NECTIN3: variants seen among roughly 807,000 people sequenced by gnomAD.
NECTIN3 encodes nectin cell adhesion molecule 3.
Under a neutral mutation model 49.4 loss-of-function variants are expected in NECTIN3, and 8 were observed. The ratio of observed to expected loss-of-function variants is 0.16; its 90% CI spans 0.10 to 0.29. NECTIN3 has a LOEUF of 0.29. Among genes scored for constraint, NECTIN3 ranks in the 10% least tolerant of loss-of-function variants. The pLI is 1.00. For synonymous variants in NECTIN3, 277 were observed against 241.1 expected, an observed-to-expected ratio of 1.15 and a Z score of -1.38; for missense variants, 581 against 654.6, an observed-to-expected ratio of 0.89 and a Z score of 1.23.
intron 7 of NECTIN3, among the ~76,000 whole-genome samples, chr3:111,181,767 C>G (rs2035630397): frequency 6.6e-6 from 1 of 151,858 alleles, no homozygotes; most frequent in Non-Finnish European, 1.5e-5. Context: ...TGTGTTTTCT[C>G]TTTTTCTTGC....
exon 7 of NECTIN3, chr3:111,147,439 G>A (rs1436157951): frequency 2.0e-6 from 3 of 1,532,244 alleles, no homozygotes; most frequent in Non-Finnish European, 2.6e-6. Flanking sequence ...CACCTCCTCT[G>A]TATGAAGAAC....
chr3:111,152,040 C>A (rs2035010130), intron 7 of NECTIN3, among the ~76,000 whole-genome samples: 1 of 151,796 alleles, frequency 6.6e-6, no homozygotes, highest in African/African-American at 2.4e-5. Context: ...ACATATCTTG[C>A]CATTTTCTCC....
chr3:111,087,286 T>A (rs1260096070), intron 1 of NECTIN3, among the ~76,000 whole-genome samples: 1 of 152,142 alleles, frequency 6.6e-6, no homozygotes, highest in African/African-American at 2.4e-5. Flanking sequence ...CATTGTTACA[T>A]GTGTAATCTC....
chr3:111,082,289 G>A (rs2031659742), intron 1 of NECTIN3, among the ~76,000 whole-genome samples: 1 of 152,106 alleles, frequency 6.6e-6, no homozygotes, highest in Non-Finnish European at 1.5e-5. Flanking sequence ...TGAGGTACGA[G>A]GGGTAGGAGG....
At chr3:111,104,360 T>C (rs1003620306) in intron 1 of NECTIN3, among the ~76,000 whole-genome samples, 13 of 145,628 alleles carry the variant, frequency 8.9e-5, no homozygotes, top group African/African-American at 3.3e-4. Flanking sequence ...TTGATCTGTC[T>C]ACAAGGCTGG....
In NECTIN3 at chr3:111,134,817, G is replaced by C; in HGVS notation, c.*602G>C. The C allele has an allele frequency of 1.0e-6, 1 of 981,700 alleles. No individual in the cohort carries two copies. The highest frequency in any genetic ancestry group is 1.2e-6 in the Non-Finnish European group (1 of 826,720). The allele number at this position is 981,700 out of a possible 1,614,324, so 60.8% of individuals were successfully genotyped here. A position where few individuals can be genotyped will look rare whatever the true frequency, so the allele number is the denominator to read the frequency against. ...ATTAATGAGCCTTGCCATAATTACT[G>C]TAGAGTGGCTTTTCAAAGATATTTT... On this transcript the variant is annotated 3_prime_UTR_variant, in exon 6 of 6. Transcript: ENST00000485303.
chr3:111,072,521 G>GT (rs1218592718), intron 1 of NECTIN3: 9 of 1,535,820 alleles, frequency 5.9e-6, no homozygotes, highest in Non-Finnish European at 7.8e-6. Context: ...GTAGGTTAAG[G>GT]TGCCGGGATG....
chr3:111,169,868 A>G (rs1164392758), intron 7 of NECTIN3, among the ~76,000 whole-genome samples: 1 of 152,242 alleles, frequency 6.6e-6, no homozygotes, highest in African/African-American at 2.4e-5. Flanking sequence ...GGTTATTGCT[A>G]ATAAATTTAT....
chr3:111,075,148 C>T (rs144326405), intron 1 of NECTIN3: 6 of 152,150 alleles, frequency 3.9e-5, no homozygotes, highest in African/African-American at 1.4e-4. Context: ...ATGCTTGTAA[C>T]TTTGGGTTCG....
downstream of NECTIN3, among the ~76,000 whole-genome samples, chr3:111,142,016 A>G (rs1460868583): frequency 1.3e-5 from 2 of 151,834 alleles, no homozygotes; most frequent in Admixed American, 1.3e-4. Flanking sequence ...CTAAATTCTC[A>G]ATTTTCATCA....
intron 1 of NECTIN3, chr3:111,072,697 T>G: frequency 1.0e-6 from 1 of 999,568 alleles, no homozygotes; most frequent in East Asian, 2.7e-5. Context: ...ACAGCTAGTT[T>G]TCTTCTGTCT....
chr3:111,081,951 A>C (rs997067435), intron 1 of NECTIN3, among the ~76,000 whole-genome samples: 5 of 152,240 alleles, frequency 3.3e-5, no homozygotes, highest in Non-Finnish European at 5.9e-5. Context: ...TAGATTGTAT[A>C]GCTCTGGCAG....
intron 7 of NECTIN3, among the ~76,000 whole-genome samples, chr3:111,172,974 T>C (rs1460688605): frequency 1.3e-5 from 2 of 152,224 alleles, no homozygotes; most frequent in East Asian, 3.9e-4. Flanking sequence ...TTATATCCGG[T>C]ATGATCTTTC....
chr3:111,100,369 T>A (rs988331199), intron 1 of NECTIN3, among the ~76,000 whole-genome samples: 3 of 152,168 alleles, frequency 2.0e-5, no homozygotes, highest in African/African-American at 7.2e-5. Context: ...CTGACAACTT[T>A]GTTCTCTGAT....
Position 111,134,692 on chromosome 3 carries a change from A to T in NECTIN3, c.*477A>T, listed in dbSNP as rs1011524434. 25 of 855,196 alleles carry T rather than the reference A, an allele frequency of 2.9e-5. No homozygotes were observed. Among genetic ancestry groups the T allele is most frequent in the Admixed American group, 1.2e-4 (2 of 16,002 alleles). The allele number at this position is 855,196 out of a possible 1,614,324, so 53.0% of individuals were successfully genotyped here. A position where few individuals can be genotyped will look rare whatever the true frequency, so the allele number is the denominator to read the frequency against. On this transcript the variant is annotated 3_prime_UTR_variant, in exon 6 of 6. Transcript: ENST00000485303. ...ACTAATTCAAGAAATATTTATATATATTTTTTAATATACAAAAAATATTTA... is the reference window on the plus strand; with the variant it reads ...ACTAATTCAAGAAATATTTATATATTTTTTTTAATATACAAAAAATATTTA...
Position 111,144,966 on chromosome 3 carries a change from T to C in NECTIN3, c.1068T>C (p.Leu356=), listed in dbSNP as rs944191266. ...CGGTAATTGGAGCTGTTCTTGCCCT[T>C]TTCATCATTGCTATCTTTGTGACTG... Residue 356 remains leucine (L), a synonymous_variant, in exon 6 of 9, where the codon CTT becomes CTC. Transcript: ENST00000493615. The C allele has an allele frequency of 2.0e-6, 3 of 1,536,322 alleles. No homozygotes were observed. In the African/African-American group the frequency reaches 4.1e-5, roughly 21 times the overall value.
intron 1 of NECTIN3, among the ~76,000 whole-genome samples, chr3:111,086,735 G>A (rs1344372718): frequency 1.3e-5 from 2 of 152,024 alleles, no homozygotes; most frequent in Non-Finnish European, 1.5e-5. Context: ...ATAAATTTTA[G>A]TGGCAGTTTA....
Position 111,135,378 on chromosome 3 carries a change from C to G in NECTIN3, c.*1163C>G. The G allele has an allele frequency of 1.1e-6, 1 of 934,412 alleles. No individual in the cohort carries two copies. Among genetic ancestry groups the G allele is most frequent in the Non-Finnish European group, 1.3e-6 (1 of 783,884 alleles). The allele number at this position is 934,412 out of a possible 1,614,324, so 57.9% of individuals were successfully genotyped here. A position where few individuals can be genotyped will look rare whatever the true frequency, so the allele number is the denominator to read the frequency against. On this transcript the variant is annotated 3_prime_UTR_variant, in exon 6 of 6. Transcript: ENST00000485303. ...CTGTTTTTACGATTAAAACTGGAAA[C>G]ATGAGGTTTTTTGTTTTTGTTTTTT...
chr3:111,184,923 A>G (rs1260315080), intron 7 of NECTIN3, among the ~76,000 whole-genome samples: 1 of 152,180 alleles, frequency 6.6e-6, no homozygotes, highest in Non-Finnish European at 1.5e-5. Context: ...TAAGGTGTGA[A>G]CCTGGGTCTC....
Sources: allele counts gnomAD v4.1 joint callset (sites outside exome capture counted in the v4.1 genomes callset), GRCh38; gene constraint gnomAD v4.1.1; transcripts MANE v1.5; gene names NCBI Gene and HGNC (gene_info 2026-07-23, HGNC 2026-07-21).